Variants in ARHGAP44 observed in about 807,000 individuals in gnomAD.
ARHGAP44 encodes Rho GTPase activating protein 44, also known as rho GTPase-activating protein 44.
A neutral mutation model predicts 106.8 loss-of-function variants in ARHGAP44; 43 were observed. That is an observed-to-expected ratio of 0.40 (90% CI 0.32 to 0.52). The LOEUF (loss-of-function observed/expected upper bound fraction) is 0.52. ARHGAP44 is among the 20% of genes least tolerant of loss of function. ARHGAP44 has a pLI of 0.48. For missense variants in ARHGAP44, 866 were observed against 1,050.5 expected, an observed-to-expected ratio of 0.82 and a Z score of 2.43; for synonymous variants, 439 against 410.3, an observed-to-expected ratio of 1.07 and a Z score of -0.85.
chr17:12,910,093 G>T (rs1406351938), intron 4 of ARHGAP44, among the ~76,000 whole-genome samples: 2 of 152,102 alleles, frequency 1.3e-5, no homozygotes, highest in East Asian at 3.9e-4. Flanking sequence ...ATAGGGAAGA[G>T]TAAGGATATT....
chr17:12,793,584 T>G (rs529780283), intron 1 of ARHGAP44, among the ~76,000 whole-genome samples: 33 of 152,200 alleles, frequency 2.2e-4, no homozygotes, highest in Admixed American at 5.2e-4. Context: ...GGCGGGCGCC[T>G]GTAATCCCAG....
chr17:12,989,297 G>A (rs1388833657), intron 20 of ARHGAP44, among the ~76,000 whole-genome samples: 2 of 151,966 alleles, frequency 1.3e-5, no homozygotes, highest in Admixed American at 1.3e-4. Context: ...AACGTGGTGT[G>A]GCAAAGAGGC....
chr17:12,959,145 C>T, intron 16 of ARHGAP44: 1 of 452,274 alleles, frequency 2.2e-6, no homozygotes, highest in East Asian at 3.8e-5. Context: ...TAGTTCTCAT[C>T]AAAAGAAAGA....
intron 1 of ARHGAP44, among the ~76,000 whole-genome samples, chr17:12,814,976 C>T (rs367891708): frequency 1.9e-4 from 29 of 152,176 alleles, no homozygotes; most frequent in African/African-American, 5.5e-4. Context: ...GTTTTCTTCC[C>T]GACTCTCCTC....
chr17:12,845,625 G>A (rs942233222), intron 1 of ARHGAP44, among the ~76,000 whole-genome samples: 2 of 151,912 alleles, frequency 1.3e-5, no homozygotes, highest in Admixed American at 6.6e-5. Flanking sequence ...AAATCTTTGC[G>A]CATAGTAGGC....
chr17:12,826,763 T>C (rs1234684316), intron 1 of ARHGAP44, among the ~76,000 whole-genome samples: 1 of 152,222 alleles, frequency 6.6e-6, no homozygotes, highest in African/African-American at 2.4e-5. Flanking sequence ...CTTCTTATGA[T>C]TCTTCAACAT....
At chr17:12,829,492 T>A (rs1319925708) in intron 1 of ARHGAP44, among the ~76,000 whole-genome samples, 1 of 152,142 alleles carries the variant, frequency 6.6e-6, no homozygotes, top group Non-Finnish European at 1.5e-5. Flanking sequence ...TATTAGTATA[T>A]ATCTGGGACC....
rs774228211 is a variant in ARHGAP44, at chr17:12,841,626, AC to A, written c.53+51736del. Among the ~76,000 whole-genome samples the A allele has an allele frequency of 3.0e-3, 418 of 140,314 alleles. 1 individual carries two copies. Among genetic ancestry groups the A allele is most frequent in the Non-Finnish European group, 4.4e-3 (286 of 65,364 alleles). 92.1% of individuals were successfully genotyped at this position (140,314 alleles called of 152,430 possible). On this transcript the variant is annotated intron_variant, in intron 1 of 20. Transcript: ENST00000379672. Reference sequence around the variant, plus strand: ...CACACACACACACACACACACACACACACACACACACACAAACAAACAAACA... The same window carrying A: ...CACACACACACACACACACACACACAACACACACACACAAACAAACAAACA...
intron 16 of ARHGAP44, among the ~76,000 whole-genome samples, chr17:12,969,866 T>C (rs1337811134): frequency 6.6e-6 from 1 of 152,204 alleles, no homozygotes; most frequent in African/African-American, 2.4e-5. Context: ...AGGTATTAGC[T>C]CCATTCTATG....
intron 18 of ARHGAP44, among the ~76,000 whole-genome samples, chr17:12,977,500 C>T (rs1242218491): frequency 6.6e-6 from 1 of 152,158 alleles, no homozygotes; most frequent in Non-Finnish European, 1.5e-5. Flanking sequence ...CCTCCACATC[C>T]CGCCCAACTG....
intron 15 of ARHGAP44, among the ~76,000 whole-genome samples, chr17:12,957,198 T>A (rs2039151719): frequency 6.6e-6 from 1 of 152,160 alleles, no homozygotes; most frequent in Admixed American, 6.6e-5. Flanking sequence ...CCTCAGGTGA[T>A]CTGCCTGCCT....
chr17:12,962,189 G>A (rs989406720), intron 16 of ARHGAP44, among the ~76,000 whole-genome samples: 12 of 152,020 alleles, frequency 7.9e-5, no homozygotes, highest in Admixed American at 6.6e-4. Flanking sequence ...GTAAGTTACC[G>A]ATTTGTGTCA....
At chr17:12,903,134 A>AG (rs2037439416) in intron 3 of ARHGAP44, among the ~76,000 whole-genome samples, 1 of 127,258 alleles carries the variant, frequency 7.9e-6, no homozygotes, top group African/African-American at 3.1e-5. Flanking sequence ...GAGGAGAGAG[A>AG]GAGAGAGTGT....
intron 1 of ARHGAP44, among the ~76,000 whole-genome samples, chr17:12,823,687 T>C (rs1256720779): frequency 6.6e-6 from 1 of 152,204 alleles, no homozygotes; most frequent in Non-Finnish European, 1.5e-5. Context: ...CATTTGAACA[T>C]GTTTGATTTC....
chr17:12,897,684 G>A lies in ARHGAP44; in HGVS notation c.198+1173G>A, dbSNP rs532612746. 2.0e-5 allele frequency among the ~76,000 whole-genome samples: 3 copies of A among 150,018 alleles called. No individual in the cohort carries two copies. The South Asian group carries it at 6.4e-4, about 32-fold the overall frequency. On this transcript the variant is annotated intron_variant, in intron 3 of 20. Transcript: ENST00000379672. The stretch of plus-strand genomic sequence containing the variant: ...GGAACGGTTCCGGATGGGGGTGCTG[G>A]AGCCAAGCCTGCCTTTGATCTGTGT...
chr17:12,904,107 G>GT (rs11385327), intron 3 of ARHGAP44, among the ~76,000 whole-genome samples: 22,633 of 151,530 alleles, frequency 0.15, 2,654 homozygotes, highest in East Asian at 0.34. Flanking sequence ...TGATTCTTTT[G>GT]TTTTTTTTCT....
chr17:12,883,596 A>G (rs926264490), intron 1 of ARHGAP44, among the ~76,000 whole-genome samples: 6 of 152,020 alleles, frequency 3.9e-5, no homozygotes, highest in Non-Finnish European at 7.4e-5. Flanking sequence ...CCTAACAGTA[A>G]TTCTTTTTGA....
At chr17:12,929,292 A>G in intron 7 of ARHGAP44, 1 of 357,292 alleles carries the variant, frequency 2.8e-6, no homozygotes, top group South Asian at 3.9e-5. Flanking sequence ...CTAGGCAAAG[A>G]GGAATGACCT....
chr17:12,889,308 T>C lies in ARHGAP44; in HGVS notation c.54-5632T>C, dbSNP rs544867917. ...ACATTCTGAGTAATTTATAAGAAGC[T>C]GAAATTTTATTTTCTCAGAGTCCTG... On this transcript the variant is annotated intron_variant, in intron 1 of 20. Transcript: ENST00000379672. Among the ~76,000 whole-genome samples, 3 of 152,332 alleles carry C rather than the reference T, an allele frequency of 2.0e-5. No homozygotes were observed. In the East Asian group the frequency reaches 5.8e-4, roughly 29 times the overall value.
Sources: allele counts gnomAD v4.1 joint callset (sites outside exome capture counted in the v4.1 genomes callset), GRCh38; gene constraint gnomAD v4.1.1; transcripts MANE v1.5; gene names NCBI Gene and HGNC (gene_info 2026-07-23, HGNC 2026-07-21).